The following ANO1 variants were observed in gnomAD, a reference collection of about 807,000 sequenced individuals.
The protein encoded by ANO1 is anoctamin 1.
A neutral mutation model predicts 124.0 loss-of-function variants in ANO1; 59 were observed. The ratio of observed to expected loss-of-function variants is 0.48; its 90% CI spans 0.39 to 0.59. ANO1 has a LOEUF of 0.59. ANO1 is among the 20% of genes least tolerant of loss of function. ANO1 has a pLI of 0.00. For synonymous variants in ANO1, 529 were observed against 532.0 expected (o/e 0.99, Z 0.08); for missense variants, 1,059 against 1,328.0 (o/e 0.80, Z 3.15).
At chr11:70,087,356 A>T (rs2044424864) in intron 1 of ANO1, among the ~76,000 whole-genome samples, 1 of 152,198 alleles carries the variant, frequency 6.6e-6, no homozygotes, top group Non-Finnish European at 1.5e-5. Flanking sequence ...GTACTGTCAA[A>T]TACTAGGTCT....
At chr11:70,091,316 T>C (rs987512760) in intron 2 of ANO1, among the ~76,000 whole-genome samples, 2 of 152,228 alleles carry the variant, frequency 1.3e-5, no homozygotes, top group African/African-American at 4.8e-5. Context: ...TCAGGGCTTA[T>C]GTGAGCTTTC....
At chr11:69,972,702 C>T in the ANO1 span, among the ~76,000 whole-genome samples, 1 of 152,054 alleles carries the variant, frequency 6.6e-6, no homozygotes, top group African/African-American at 2.4e-5. Context: ...CAGGTCCTTA[C>T]CCTGACAGCA....
intron 1 of ANO1, among the ~76,000 whole-genome samples, chr11:70,071,685 G>T (rs1857877196): frequency 6.6e-6 from 1 of 151,950 alleles, no homozygotes; most frequent in South Asian, 2.1e-4. Flanking sequence ...GTGCATTGGT[G>T]CAATCATAGC....
the ANO1 span, among the ~76,000 whole-genome samples, chr11:69,969,009 C>T: frequency 1.3e-5 from 2 of 152,210 alleles, no homozygotes; most frequent in African/African-American, 4.8e-5. Context: ...GCTCCAGCCT[C>T]TCCAGAGAGG....
Position 70,163,332 on chromosome 11 carries a change from A to C in ANO1, c.1942A>C (p.Met648Leu). 1 of 1,614,030 alleles carries C rather than the reference A, an allele frequency of 6.2e-7. No individual in the cohort carries two copies. The highest frequency in any genetic ancestry group is 8.5e-7 in the Non-Finnish European group (1 of 1,179,900). The change falls in exon 19 of 26, where the codon ATG (methionine) becomes CTG (leucine). Residue 648 changes from methionine to leucine, a missense_variant. This residue lies in a region of ANO1 where 809 missense variants were observed against 1,094.9 expected (regional missense o/e 0.74). Coordinates refer to ENST00000355303, the MANE Select transcript of ANO1 (RefSeq NM_018043.7). ...DYVYIFRSFR[M>L]EECAPGGCLM... is the part of the protein sequence containing the mutation. ...CGTGTACATTTTCCGTTCCTTCCGA[A>C]TGGAAGAGGTAACCGAAATTTTATT...
chr11:70,081,140 A>C (rs1256081020), intron 1 of ANO1, among the ~76,000 whole-genome samples: 1 of 152,204 alleles, frequency 6.6e-6, no homozygotes, highest in Non-Finnish European at 1.5e-5. Context: ...CTTCATTCCC[A>C]AGTTCAAGGG....
chr11:70,001,320 A>G (rs1365962592), intron 1 of ANO1, among the ~76,000 whole-genome samples: 2 of 152,140 alleles, frequency 1.3e-5, no homozygotes, highest in Non-Finnish European at 2.9e-5. Flanking sequence ...AAACTGTACC[A>G]GACCCTTAAG....
Position 70,105,713 on chromosome 11 carries a change from TCC to T in ANO1, c.693-20_693-19del. The stretch of plus-strand genomic sequence containing the variant: ...CAGCTCTGGTGAACTGTGTCTTGTT[TCC>T]TTCCCGATATTTCCACAGATTTGAC... On this transcript the variant is annotated intron_variant, in intron 4 of 25. Transcript: ENST00000355303. 2 of 1,612,732 alleles carry T rather than the reference TCC, an allele frequency of 1.2e-6. No individual in the cohort carries two copies. Among genetic ancestry groups the T allele is most frequent in the Non-Finnish European group, 1.7e-6 (2 of 1,178,930 alleles).
chr11:70,044,182 A>G (rs1211352636), intron 1 of ANO1, among the ~76,000 whole-genome samples: 1 of 152,040 alleles, frequency 6.6e-6, no homozygotes, highest in Non-Finnish European at 1.5e-5. Flanking sequence ...AATAAAAGTA[A>G]AATAAAGCAA....
upstream of ANO1, among the ~76,000 whole-genome samples, chr11:69,985,014 C>T (rs1484792133): frequency 3.3e-5 from 5 of 152,168 alleles, no homozygotes; most frequent in Non-Finnish European, 7.4e-5. Context: ...CAGTTCCCCA[C>T]GCCCGCCCTC....
At chr11:70,014,460 C>T (rs547154077) in intron 1 of ANO1, among the ~76,000 whole-genome samples, 4 of 152,146 alleles carry the variant, frequency 2.6e-5, no homozygotes, top group East Asian at 1.9e-4. Context: ...GAGATTCCTC[C>T]GTGCTGCTCT....
At chr11:70,177,060 C>T (rs544551675) in intron 22 of ANO1, among the ~76,000 whole-genome samples, 4 of 152,328 alleles carry the variant, frequency 2.6e-5, no homozygotes, top group South Asian at 2.1e-4. Flanking sequence ...ACCCCGCTCC[C>T]GGCTCCATCT....
At chr11:70,100,827 C>CATTACT (rs2045237847) in intron 2 of ANO1, among the ~76,000 whole-genome samples, 1 of 152,204 alleles carries the variant, frequency 6.6e-6, no homozygotes, top group Non-Finnish European at 1.5e-5. Flanking sequence ...CCTCTGTCAA[C>CATTACT]ATTACTATTA....
chr11:69,985,541 G>T (rs936365301), upstream of ANO1, among the ~76,000 whole-genome samples: 2 of 152,288 alleles, frequency 1.3e-5, no homozygotes, highest in South Asian at 2.1e-4. Flanking sequence ...TCACGGAACC[G>T]CCCCGCGCCC....
chr11:69,986,969 G>T (rs1254603484), intron 1 of ANO1, among the ~76,000 whole-genome samples: 1 of 152,100 alleles, frequency 6.6e-6, no homozygotes, highest in African/African-American at 2.4e-5. Flanking sequence ...GGATGCCACC[G>T]CCAACCCGGG....
intron 1 of ANO1, among the ~76,000 whole-genome samples, chr11:70,006,140 C>T (rs1233018757): frequency 1.3e-5 from 2 of 152,176 alleles, no homozygotes; most frequent in East Asian, 3.8e-4. Flanking sequence ...GTCTTATGTG[C>T]CATCTCAGGA....
rs1345200273 is a variant in ANO1 at position 70,185,738 on chromosome 11, A to T, written c.2694+43A>T. 9 of 1,587,022 alleles carry T rather than the reference A, an allele frequency of 5.7e-6. No homozygotes were observed. The East Asian group carries it at 9.0e-5, about 16-fold the overall frequency. ...TTGTTTCCGGTTTGAAGATGGGAGC[A>T]TTTAGGGACCATCCTGTGCCTACAG... is the stretch of plus-strand genomic sequence containing the variant. On this transcript the variant is annotated intron_variant, in intron 25 of 25. Coordinates refer to ENST00000355303, the MANE Select transcript of ANO1 (RefSeq NM_018043.7).
Position 70,125,736 on chromosome 11 carries a change from C to G in ANO1, c.963-325C>G, listed in dbSNP as rs527982582. Among the ~76,000 whole-genome samples the G allele has an allele frequency of 8.1e-5, 12 of 147,346 alleles. No individual in the cohort carries two copies. The Admixed American group carries it at 8.2e-4, about 10-fold the overall frequency. ...GCGGGCTCCTGTAGTCCCAGCTACT[C>G]GGGAGGCTGAGGCAGGAGAATGGCG... On this transcript the variant is annotated intron_variant, in intron 9 of 25. Coordinates refer to ENST00000355303, the MANE Select transcript of ANO1 (RefSeq NM_018043.7).
intron 1 of ANO1, among the ~76,000 whole-genome samples, chr11:70,044,104 G>A (rs1231519471): frequency 1.3e-5 from 2 of 151,788 alleles, no homozygotes; most frequent in African/African-American, 4.8e-5. Context: ...ATATGTGAAG[G>A]GGTATAATAT....
Sources: allele counts gnomAD v4.1 joint callset (sites outside exome capture counted in the v4.1 genomes callset), GRCh38; gene constraint gnomAD v4.1.1; regional missense constraint gnomAD v4.1.1; transcripts MANE v1.5; gene names NCBI Gene and HGNC (gene_info 2026-07-23, HGNC 2026-07-21).